SPRR2B: variants seen among roughly 807,000 people sequenced by gnomAD.
SPRR2B encodes small proline rich protein 2B.
Under a neutral mutation model 1.0 loss-of-function variants are expected in SPRR2B, and 1 was observed. That is an observed-to-expected ratio of 1.01 (90% CI 0.36 to 4.77). SPRR2B has a LOEUF of 4.77. SPRR2B is among the 30% of genes most tolerant of loss of function. The pLI, the probability that SPRR2B is intolerant of heterozygous loss-of-function variation, is 0.16. For missense variants in SPRR2B, 53 were observed against 88.7 expected (o/e 0.60, Z 1.62); for synonymous variants, 27 against 33.4 (o/e 0.81, Z 0.66).
At chr1:153,074,822 T>C (rs1015955206), upstream of SPRR2B, among the ~76,000 whole-genome samples, 4 of 152,242 alleles carry the variant, frequency 2.6e-5, no homozygotes, top group Admixed American at 6.5e-5. Context: ...AGCATGTCCA[T>C]TGCTCAGTTA....
chr1:153,073,725 A>ACACACACC (rs1291890348), upstream of SPRR2B, among the ~76,000 whole-genome samples: 6 of 151,488 alleles, frequency 4.0e-5, no homozygotes, highest in Non-Finnish European at 7.4e-5. Context: ...ACACACACAC[A>ACACACACC]CACACACAAC....
At position 153,070,884 on chromosome 1, in the gene SPRR2B, C is replaced by T. The variant is rs750923581; in HGVS notation, c.-19-26G>A. On this transcript the variant is annotated intron_variant, in intron 1 of 1. Transcript: ENST00000368755. The stretch of plus-strand genomic sequence containing the variant: ...CTGAAAGAAATGATACAACAGTGTT[C>T]GTGGGAAGGGAATCCTCCAGAGAGA... 1.6e-5 allele frequency: 19 copies of T among 1,225,130 alleles called. 2 individuals are homozygous for T. Among genetic ancestry groups the T allele is most frequent in the African/African-American group, 2.9e-5 (2 of 67,986 alleles). The allele number at this position is 1,225,130 out of a possible 1,614,324, so 75.9% of individuals were successfully genotyped here.
chr1:153,070,681 T>G lies in SPRR2B; in HGVS notation c.159A>C (p.Lys53Asn), dbSNP rs750358326. The G allele has an allele frequency of 1.2e-5, 20 of 1,611,660 alleles. No homozygotes were observed. Among genetic ancestry groups the G allele is most frequent in the Non-Finnish European group, 1.7e-6 (2 of 1,179,706 alleles). The change falls in exon 2 of 2, where the codon AAA (lysine) becomes AAC (asparagine). Residue 53 changes from lysine (K) to asparagine (N), a missense_variant. By Grantham distance (94) the Lys-to-Asn change is moderately conservative (BLOSUM62 0). Transcript: ENST00000368755. The stretch of plus-strand genomic sequence containing the variant: ...GTGGGGAAGGTGTCACAGGAGGATA[T>G]TTCTGCTGGCACTGCTGAGGTGGGC... ...QPCPPQQCQQKYPPVTPSPPC... is the reference protein window; with the variant it reads ...QPCPPQQCQQNYPPVTPSPPC...
chr1:153,078,304 G>A, the SPRR2B span, among the ~76,000 whole-genome samples: 1 of 152,182 alleles, frequency 6.6e-6, no homozygotes, highest in South Asian at 2.1e-4. Flanking sequence ...ACTTTAAGTT[G>A]AGAACTGTTA....
chr1:153,084,491 G>T, the SPRR2B span, among the ~76,000 whole-genome samples: 150 of 152,194 alleles, frequency 9.9e-4, no homozygotes, highest in African/African-American at 3.5e-3. Flanking sequence ...GTTGCACACA[G>T]AAAAAGCACA....
the SPRR2B span, among the ~76,000 whole-genome samples, chr1:153,083,791 C>T: frequency 0.017 from 2,514 of 152,284 alleles, 70 homozygotes; most frequent in African/African-American, 0.058. Flanking sequence ...GGCAGAACTG[C>T]TTAGAGAGGT....
At chr1:153,073,533 C>CA (rs1654714544), upstream of SPRR2B, among the ~76,000 whole-genome samples, 1 of 152,300 alleles carries the variant, frequency 6.6e-6, no homozygotes, top group East Asian at 1.9e-4. Context: ...CCCAGCATCT[C>CA]AGACAGGCTC....
the SPRR2B span, among the ~76,000 whole-genome samples, chr1:153,077,530 T>C: frequency 7.2e-5 from 11 of 152,116 alleles, no homozygotes; most frequent in African/African-American, 2.7e-4. Context: ...TACAAGTCTA[T>C]GTTAGCAAAC....
chr1:153,080,079 A>T, the SPRR2B span, among the ~76,000 whole-genome samples: 30 of 152,148 alleles, frequency 2.0e-4, no homozygotes, highest in Admixed American at 1.9e-3. Context: ...GAGGTCCTTC[A>T]AAGATGTGTG....
At chr1:153,087,599 A>C in the SPRR2B span, among the ~76,000 whole-genome samples, 2 of 152,352 alleles carry the variant, frequency 1.3e-5, no homozygotes, top group East Asian at 3.9e-4. Flanking sequence ...AATAAACATC[A>C]GAGAATATTA....
chr1:153,083,825 C>A, the SPRR2B span, among the ~76,000 whole-genome samples: 1 of 152,196 alleles, frequency 6.6e-6, no homozygotes, highest in Non-Finnish European at 1.5e-5. Flanking sequence ...TGCCAGCTGA[C>A]GTGGAACCCA....
chr1:153,076,136 A>C, upstream of SPRR2B, among the ~76,000 whole-genome samples: 1 of 152,214 alleles, frequency 6.6e-6, no homozygotes, highest in East Asian at 1.9e-4. Context: ...TTAGCTGTTT[A>C]AGACAATTAA....
upstream of SPRR2B, among the ~76,000 whole-genome samples, chr1:153,073,733 A>ACACAC (rs1553226633): frequency 1.4e-5 from 2 of 147,130 alleles, no homozygotes; most frequent in African/African-American, 5.0e-5. Context: ...ACACACACAC[A>ACACAC]ACATGAGTCT....
At chr1:153,070,953 T>A in intron 1 of SPRR2B, 95 bp from the exon 2 acceptor site, 1 of 1,080,910 alleles carries the variant, frequency 9.3e-7, no homozygotes, top group Non-Finnish European at 1.3e-6. Context: ...ATTTCTCCAA[T>A]CTCCAAAAAT....
chr1:153,084,694 A>G, the SPRR2B span, among the ~76,000 whole-genome samples: 1 of 152,114 alleles, frequency 6.6e-6, no homozygotes. Flanking sequence ...GCACCCTGCC[A>G]TGCTGCCACT....
chr1:153,074,919 T>C (rs924893379), upstream of SPRR2B, among the ~76,000 whole-genome samples: 5 of 152,226 alleles, frequency 3.3e-5, no homozygotes, highest in African/African-American at 9.6e-5. Context: ...TGTTTTATTG[T>C]TATAGCTCTA....
chr1:153,080,444 A>C, the SPRR2B span, among the ~76,000 whole-genome samples: 2 of 152,216 alleles, frequency 1.3e-5, no homozygotes, highest in Non-Finnish European at 2.9e-5. Flanking sequence ...ACAAGTTAAT[A>C]TATTTTAAAA....
the SPRR2B span, among the ~76,000 whole-genome samples, chr1:153,085,647 G>C: frequency 0.014 from 2,145 of 152,310 alleles, 49 homozygotes; most frequent in African/African-American, 0.048. Flanking sequence ...AGCCCAGCTA[G>C]AGAGGTAGAC....
chr1:153,081,804 AT>A, the SPRR2B span, among the ~76,000 whole-genome samples: 6 of 144,876 alleles, frequency 4.1e-5, no homozygotes, highest in Non-Finnish European at 7.4e-5. Flanking sequence ...GTATGAGTCA[AT>A]TTTCCTTTTC....
Sources: gnomAD v4.1 joint callset for allele counts (sites outside exome capture counted in the v4.1 genomes callset) on GRCh38, gnomAD v4.1.1 for gene constraint, MANE v1.5 for transcripts, NCBI Gene and HGNC (gene_info 2026-07-23, HGNC 2026-07-21) for gene names.